CACHD1: variants seen among roughly 807,000 people sequenced by gnomAD.
The protein encoded by CACHD1 is VWFA and cache domain-containing protein 1.
In CACHD1, 71 loss-of-function variants were observed where a neutral mutation model predicts 138.7. That is an observed-to-expected ratio of 0.51 (90% CI 0.42 to 0.62). The LOEUF (loss-of-function observed/expected upper bound fraction) is 0.62, where lower values mean the gene tolerates loss of function less well. CACHD1 is among the 20% of genes least tolerant of loss of function. CACHD1 has a pLI of 0.00. For missense variants in CACHD1, 1,389 were observed against 1,625.3 expected, an observed-to-expected ratio of 0.85 and a Z score of 2.50; for synonymous variants, 578 against 591.5, an observed-to-expected ratio of 0.98 and a Z score of 0.33.
At chr1:64,643,711 A>C (rs138830276) in intron 8 of CACHD1, among the ~76,000 whole-genome samples, 1 of 152,044 alleles carries the variant, frequency 6.6e-6, no homozygotes, top group African/African-American at 2.4e-5. Context: ...GGTGGCGGGC[A>C]CCTGTAGTCC....
At chr1:64,641,780 G>C in intron 7 of CACHD1, 40 bp from the exon 8 acceptor site, 1 of 1,417,948 alleles carries the variant, frequency 7.1e-7, no homozygotes, top group Non-Finnish European at 9.3e-7. Context: ...CCTTTAGCTG[G>C]AATCCAAAGA....
chr1:64,683,432 A>AGAAATACTGAATCCTTTTCTCTCTCT (rs1296955956), intron 26 of CACHD1, among the ~76,000 whole-genome samples: 2 of 152,250 alleles, frequency 1.3e-5, no homozygotes, highest in Non-Finnish European at 1.5e-5. Flanking sequence ...CTTATTCAGC[A>AGAAATACTGAATCCTTTTCTCTCTCT]GAAATACTGA....
chr1:64,485,099 G>T (rs1646234550), intron 1 of CACHD1, among the ~76,000 whole-genome samples: 1 of 152,062 alleles, frequency 6.6e-6, no homozygotes, highest in Admixed American at 6.6e-5. Flanking sequence ...AATGCACAAG[G>T]GTTCTAATTT....
rs370112268 is a variant in CACHD1, at chr1:64,610,886, C to T, written c.517+7974C>T. ...GCAGAGGTTCTCCATGAGTGCCCCA[C>T]CCCTACAGCAAACTTCTGCCTGGAC... On this transcript the variant is annotated intron_variant, in intron 4 of 26. Coordinates refer to ENST00000651257, the MANE Select transcript of CACHD1 (RefSeq NM_020925.4). 8.5e-5 allele frequency among the ~76,000 whole-genome samples: 13 copies of T among 152,336 alleles called. 1 individual carries two copies. Among genetic ancestry groups the T allele is most frequent in the Admixed American group, 4.6e-4 (7 of 15,310 alleles).
intron 2 of CACHD1, among the ~76,000 whole-genome samples, chr1:64,556,822 G>C (rs371685773): frequency 6.6e-6 from 1 of 152,070 alleles, no homozygotes; most frequent in Non-Finnish European, 1.5e-5. Flanking sequence ...AAAATTCCAC[G>C]CACACATTCT....
Position 64,673,193 on chromosome 1 carries a change from C to T in CACHD1, c.2546C>T (p.Ala849Val), listed in dbSNP as rs1235538167. The T allele has an allele frequency of 2.6e-5, 42 of 1,613,490 alleles. No individual in the cohort carries two copies. The highest frequency in any genetic ancestry group is 4.5e-5 in the East Asian group (2 of 44,874). Residue 849 changes from alanine (A) to valine (V), a missense_variant, in exon 18 of 27, where the codon GCG becomes GTG. By Grantham distance (64) the Ala-to-Val change is moderately conservative. Around this residue, in one of 5 missense-constraint regions of CACHD1, gnomAD observed 1,000 missense variants for 1,114.7 expected, o/e 0.90. Transcript: ENST00000651257. Reference protein sequence around the residue: ...FIMEDRGYLVAHPTLIDPKGH... With the variant: ...FIMEDRGYLVVHPTLIDPKGH... ...ATGGAGGACAGGGGTTATCTGGTGG[C>T]GCACCCGACTCTCATCGACCCCAAA...
rs112177988 is a variant in CACHD1, at chr1:64,534,696, T to C, written c.199-15898T>C. ...AGTGCTGCATCTTCCAGAGCCTAGC[T>C]TGGGGCTGGCCCATAGCCTGTGCTC... On this transcript the variant is annotated intron_variant, in intron 1 of 26. Transcript: ENST00000651257. 1.8e-3 allele frequency among the ~76,000 whole-genome samples: 269 copies of C among 152,358 alleles called. 1 individual carries two copies. The highest frequency in any genetic ancestry group is 6.0e-3 in the African/African-American group (249 of 41,580).
At position 64,635,761 on chromosome 1, in the gene CACHD1, G is replaced by T. The variant is rs1338499055; in HGVS notation, c.1006+1501G>T. On this transcript the variant is annotated intron_variant, in intron 7 of 26. Coordinates refer to ENST00000651257, the MANE Select transcript of CACHD1 (RefSeq NM_020925.4). ...TAAGGGAAAAGATATTTGAAATGGG[G>T]CTCATGCTTTGAAACTACTTGAAGG... 2.0e-5 allele frequency among the ~76,000 whole-genome samples: 3 copies of T among 151,968 alleles called. No individual in the cohort carries two copies. In the East Asian group the frequency reaches 5.8e-4, roughly 29 times the overall value.
At chr1:64,471,879 C>G (rs1646147470) in intron 1 of CACHD1, among the ~76,000 whole-genome samples, 1 of 152,108 alleles carries the variant, frequency 6.6e-6, no homozygotes, top group African/African-American at 2.4e-5. Context: ...GAACACCAAC[C>G]ACCTGGAGAT....
At chr1:64,507,336 G>C (rs1646385252) in intron 1 of CACHD1, among the ~76,000 whole-genome samples, 1 of 152,134 alleles carries the variant, frequency 6.6e-6, no homozygotes, top group Non-Finnish European at 1.5e-5. Flanking sequence ...ACATTCCTTG[G>C]GGCCAGGGAC....
intron 7 of CACHD1, among the ~76,000 whole-genome samples, chr1:64,639,646 G>A (rs1383909324): frequency 2.0e-5 from 3 of 152,144 alleles, no homozygotes; most frequent in African/African-American, 7.2e-5. Flanking sequence ...TAAGTTAACT[G>A]TTAAATTCTG....
chr1:64,629,375 T>C lies in CACHD1; in HGVS notation c.538T>C (p.Ser180Pro). The change falls in exon 5 of 27, where the codon TCC (serine) becomes CCC (proline). Residue 180 changes from serine to proline, a missense_variant. Around this residue, in one of 5 missense-constraint regions of CACHD1, gnomAD observed 1,000 missense variants for 1,114.7 expected, o/e 0.90. Transcript: ENST00000651257. Reference protein sequence around the residue: ...LNSVLADNLKSNPGIKWQYFS... With the variant: ...LNSVLADNLKPNPGIKWQYFS... ...TCTAGTTCTTGCAGACAACCTGAAA[T>C]CCAACCCTGGAATTAAGTGGCAATA... 6.2e-7 allele frequency: 1 copy of C among 1,614,054 alleles called. No homozygotes were observed. Among genetic ancestry groups the C allele is most frequent in the Non-Finnish European group, 8.5e-7 (1 of 1,179,958 alleles).
intron 1 of CACHD1, among the ~76,000 whole-genome samples, chr1:64,534,793 A>AAG (rs1211001604): frequency 6.6e-6 from 1 of 152,256 alleles, no homozygotes; most frequent in African/African-American, 2.4e-5. Flanking sequence ...AGGAAGGCTG[A>AAG]AGCTAGGACA....
chr1:64,610,444 G>A (rs1416330372), intron 4 of CACHD1, among the ~76,000 whole-genome samples: 1 of 152,194 alleles, frequency 6.6e-6, no homozygotes, highest in Non-Finnish European at 1.5e-5. Context: ...TGGGGGTACA[G>A]GCATTGGGCA....
intron 9 of CACHD1, among the ~76,000 whole-genome samples, chr1:64,649,414 C>T (rs1436994719): frequency 6.6e-6 from 1 of 152,070 alleles, no homozygotes; most frequent in African/African-American, 2.4e-5. Flanking sequence ...AATGGAAACT[C>T]CCACTTTTAG....
At chr1:64,558,422 C>T (rs1213862115) in intron 2 of CACHD1, among the ~76,000 whole-genome samples, 1 of 152,212 alleles carries the variant, frequency 6.6e-6, no homozygotes, top group African/African-American at 2.4e-5. Flanking sequence ...AGCTGCAGCC[C>T]ACCTTGCTTC....
At chr1:64,653,240 C>T (rs888988848) in intron 10 of CACHD1, among the ~76,000 whole-genome samples, 2 of 151,780 alleles carry the variant, frequency 1.3e-5, no homozygotes, top group African/African-American at 4.8e-5. Context: ...GGGTGGAAAG[C>T]GGGACGAGGG....
rs182521954 is a variant in CACHD1 at position 64,566,838 on chromosome 1, A to G, written c.262-15318A>G. On this transcript the variant is annotated intron_variant, in intron 2 of 26. Coordinates refer to ENST00000651257, the MANE Select transcript of CACHD1 (RefSeq NM_020925.4). Reference sequence around the variant, plus strand: ...TTTAAAGTTTGGAAGAGGCAAGAAAAAAATAAATATTATTAGAGCTAATAG... The same window carrying G: ...TTTAAAGTTTGGAAGAGGCAAGAAAGAAATAAATATTATTAGAGCTAATAG... Among the ~76,000 whole-genome samples, 98 of 152,260 alleles carry G rather than the reference A, an allele frequency of 6.4e-4. No homozygotes were observed. In the Middle Eastern group the frequency reaches 0.01, roughly 16 times the overall value.
chr1:64,572,952 G>A (rs751221699), intron 2 of CACHD1, among the ~76,000 whole-genome samples: 6 of 152,100 alleles, frequency 3.9e-5, no homozygotes, highest in African/African-American at 1.2e-4. Context: ...GTCCTGTATC[G>A]TTTCCTGCCA....
Sources: gnomAD v4.1 joint callset for allele counts (sites outside exome capture counted in the v4.1 genomes callset) on GRCh38, gnomAD v4.1.1 for gene constraint, gnomAD v4.1.1 regional missense constraint, MANE v1.5 for transcripts, NCBI Gene and HGNC (gene_info 2026-07-23, HGNC 2026-07-21) for gene names.